SCAPER: variants seen among roughly 807,000 people sequenced by gnomAD.
The protein encoded by SCAPER is S phase cyclin A-associated protein in the endoplasmic reticulum.
A neutral mutation model predicts 182.2 loss-of-function variants in SCAPER; 98 were observed. That is an observed-to-expected ratio of 0.54 (90% CI 0.46 to 0.64). The LOEUF (loss-of-function observed/expected upper bound fraction) is 0.64. Among genes scored for constraint, SCAPER ranks in the 30% least tolerant of loss-of-function variants. The probability of loss-of-function intolerance (pLI) is 0.00; values close to 1 mark genes in which losing one functional copy is unlikely to be tolerated. For synonymous variants in SCAPER, 605 were observed against 564.6 expected (o/e 1.07, Z -1.01); for missense variants, 1,432 against 1,690.0 (o/e 0.85, Z 2.68).
intron 7 of SCAPER, among the ~76,000 whole-genome samples, chr15:76,797,976 T>C (rs1255675080): frequency 6.7e-6 from 1 of 148,400 alleles, no homozygotes; most frequent in Non-Finnish European, 1.5e-5. Context: ...CAGGAAAGTA[T>C]GGCCCATTCA....
At chr15:76,447,821 G>A (rs992016175) in intron 25 of SCAPER, among the ~76,000 whole-genome samples, 10 of 152,168 alleles carry the variant, frequency 6.6e-5, no homozygotes, top group African/African-American at 1.4e-4. Context: ...ACATGGTCTT[G>A]CCTCCCAGAG....
intron 29 of SCAPER, among the ~76,000 whole-genome samples, chr15:76,374,519 G>A (rs1183472196): frequency 2.8e-5 from 4 of 144,164 alleles, no homozygotes; most frequent in East Asian, 2.1e-4. Context: ...AGTTTTGCTC[G>A]TTTCCCAGGC....
chr15:76,796,212 T>A (rs998188245), intron 7 of SCAPER, among the ~76,000 whole-genome samples: 4 of 152,184 alleles, frequency 2.6e-5, no homozygotes, highest in African/African-American at 9.7e-5. Context: ...TCCTTTAAAG[T>A]GGAGTGAAAA....
chr15:76,895,377 C>T (rs1051592144), intron 1 of SCAPER, among the ~76,000 whole-genome samples: 2 of 151,916 alleles, frequency 1.3e-5, no homozygotes, highest in South Asian at 2.1e-4. Context: ...TAAGTAATGT[C>T]GTAATACAGA....
At chr15:76,823,363 G>A (rs902578251) in intron 5 of SCAPER, among the ~76,000 whole-genome samples, 5 of 152,064 alleles carry the variant, frequency 3.3e-5, no homozygotes, top group Admixed American at 2.0e-4. Context: ...GGGAGGCTAA[G>A]GCATGATTAT....
intron 23 of SCAPER, among the ~76,000 whole-genome samples, chr15:76,528,280 T>C (rs1269535873): frequency 1.3e-5 from 2 of 152,222 alleles, no homozygotes; most frequent in Non-Finnish European, 2.9e-5. Context: ...TTCTTCATTC[T>C]ATAGATTATC....
At chr15:76,781,150 C>A (rs1459910838) in intron 8 of SCAPER, among the ~76,000 whole-genome samples, 1 of 152,082 alleles carries the variant, frequency 6.6e-6, no homozygotes, top group African/African-American at 2.4e-5. Flanking sequence ...AAAAAAGGTT[C>A]CACGAATGCC....
chr15:76,547,573 T>C (rs1597327784), intron 23 of SCAPER, among the ~76,000 whole-genome samples: 1 of 152,140 alleles, frequency 6.6e-6, no homozygotes. Flanking sequence ...CCTGATATCA[T>C]AAAATATATT....
Position 76,841,797 on chromosome 15 carries a change from A to C in SCAPER, c.330T>G (p.Leu110=), listed in dbSNP as rs61736774. Residue 110 remains leucine (L), a synonymous_variant, in exon 5 of 32, where the codon CTT becomes CTG. Transcript: ENST00000563290. ...CATAGATTTCATCTACTGCTCGGCGAAGATTATCAAAAAGAAATGCCCAGT... is the reference window on the plus strand; with the variant it reads ...CATAGATTTCATCTACTGCTCGGCGCAGATTATCAAAAAGAAATGCCCAGT... ...ARYWAFLFDN[L]RRAVDEIYVT... is the part of the protein sequence containing the mutation. 349 of 1,613,956 alleles carry C rather than the reference A, an allele frequency of 2.2e-4. 1 individual carries two copies. In the African/African-American group the frequency reaches 2.5e-3, roughly 12 times the overall value.
intron 21 of SCAPER, among the ~76,000 whole-genome samples, chr15:76,651,870 C>G (rs2055079884): frequency 6.7e-6 from 1 of 149,884 alleles, no homozygotes; most frequent in Non-Finnish European, 1.5e-5. Flanking sequence ...ATGCAAAAAT[C>G]CTCAACAAAA....
At chr15:76,862,955 C>T (rs2071995571) in intron 2 of SCAPER, among the ~76,000 whole-genome samples, 1 of 152,082 alleles carries the variant, frequency 6.6e-6, no homozygotes, top group African/African-American at 2.4e-5. Context: ...AGAGATTGCG[C>T]TAAAGTAAGT....
At chr15:76,634,444 A>G (rs2053423356) in intron 21 of SCAPER, among the ~76,000 whole-genome samples, 1 of 152,004 alleles carries the variant, frequency 6.6e-6, no homozygotes, top group Non-Finnish European at 1.5e-5. Context: ...CCCCTTCTAT[A>G]TAAATTTTAG....
intron 15 of SCAPER, among the ~76,000 whole-genome samples, chr15:76,739,252 A>T (rs1227998695): frequency 1.3e-5 from 2 of 152,150 alleles, no homozygotes; most frequent in South Asian, 4.1e-4. Flanking sequence ...ACATTGTACA[A>T]ATTTATTTTT....
intron 23 of SCAPER, among the ~76,000 whole-genome samples, chr15:76,532,128 C>T (rs951573277): frequency 1.3e-5 from 2 of 152,174 alleles, no homozygotes; most frequent in Admixed American, 1.3e-4. Flanking sequence ...CTAAAACCTA[C>T]TGCTTCACAG....
chr15:76,561,527 C>A (rs2046621401), intron 23 of SCAPER, among the ~76,000 whole-genome samples: 1 of 151,826 alleles, frequency 6.6e-6, no homozygotes, highest in African/African-American at 2.4e-5. Context: ...TTTAATAAAA[C>A]CGATACTTGA....
chr15:76,767,970 A>C (rs1358302644), intron 10 of SCAPER, among the ~76,000 whole-genome samples: 1 of 152,162 alleles, frequency 6.6e-6, no homozygotes, highest in African/African-American at 2.4e-5. Context: ...GGAATAAAGA[A>C]GACCAATTTA....
intron 8 of SCAPER, among the ~76,000 whole-genome samples, chr15:76,793,065 A>G (rs780948983): frequency 1.3e-5 from 2 of 152,168 alleles, no homozygotes; most frequent in Non-Finnish European, 2.9e-5. Flanking sequence ...TTTTTCCTTA[A>G]GTCCAATTTC....
chr15:76,739,158 C>A (rs1434448352), intron 15 of SCAPER, among the ~76,000 whole-genome samples: 2 of 152,156 alleles, frequency 1.3e-5, no homozygotes, highest in African/African-American at 4.8e-5. Context: ...TCATTTTATA[C>A]ATGGGATTTG....
At chr15:76,860,437 G>A (rs1283220191) in intron 3 of SCAPER, among the ~76,000 whole-genome samples, 1 of 152,058 alleles carries the variant, frequency 6.6e-6, no homozygotes, top group Non-Finnish European at 1.5e-5. Flanking sequence ...AAATAGCTAG[G>A]AAAACTGAGA....
Sources: allele counts gnomAD v4.1 joint callset (sites outside exome capture counted in the v4.1 genomes callset), GRCh38; gene constraint gnomAD v4.1.1; transcripts MANE v1.5; gene names NCBI Gene and HGNC (gene_info 2026-07-23, HGNC 2026-07-21).